MYO5B: variants seen among roughly 807,000 people sequenced by gnomAD.
MYO5B encodes the protein myosin VB.
A neutral mutation model predicts 229.3 loss-of-function variants in MYO5B; 143 were observed. The ratio of observed to expected loss-of-function variants is 0.62; its 90% CI spans 0.54 to 0.72. The LOEUF (loss-of-function observed/expected upper bound fraction) is 0.72. Among genes scored for constraint, MYO5B ranks in the 30% least tolerant of loss-of-function variants. The probability of loss-of-function intolerance (pLI) is 0.00; values close to 1 mark genes in which losing one functional copy is unlikely to be tolerated. For synonymous variants in MYO5B, 918 were observed against 885.2 expected (o/e 1.04, Z -0.66); for missense variants, 2,321 against 2,331.0 (o/e 1.00, Z 0.09).
At chr18:50,098,153 C>A (rs940837817) in intron 1 of MYO5B, among the ~76,000 whole-genome samples, 5 of 152,160 alleles carry the variant, frequency 3.3e-5, no homozygotes, top group Non-Finnish European at 4.4e-5. Flanking sequence ...ATATAACTTG[C>A]TTATATCCAA....
chr18:49,917,307 G>A (rs552912085), intron 17 of MYO5B, among the ~76,000 whole-genome samples: 2 of 152,156 alleles, frequency 1.3e-5, no homozygotes, highest in Non-Finnish European at 2.9e-5. Flanking sequence ...CATTCAACAC[G>A]TTAAACCTTT....
intron 8 of MYO5B, among the ~76,000 whole-genome samples, chr18:49,984,137 G>T (rs1226979548): frequency 6.6e-6 from 1 of 152,190 alleles, no homozygotes; most frequent in African/African-American, 2.4e-5. Context: ...CCCAAAAGTG[G>T]CAGGGAAGCA....
intron 34 of MYO5B, among the ~76,000 whole-genome samples, chr18:49,841,946 A>G (rs1321372894): frequency 6.6e-6 from 1 of 152,178 alleles, no homozygotes; most frequent in Non-Finnish European, 1.5e-5. Context: ...AAATGGCTAC[A>G]AACCCTAACT....
intron 39 of MYO5B, among the ~76,000 whole-genome samples, chr18:49,831,524 A>G (rs1183856278): frequency 6.6e-6 from 1 of 152,228 alleles, no homozygotes; most frequent in Non-Finnish European, 1.5e-5. Context: ...GATGCTAGTC[A>G]TCAGAGAGAT....
intron 29 of MYO5B, among the ~76,000 whole-genome samples, chr18:49,862,001 T>G (rs937705524): frequency 5.0e-4 from 76 of 151,580 alleles, no homozygotes; most frequent in African/African-American, 1.8e-3. Flanking sequence ...CCATGTTTTT[T>G]TTTTTTTTTT....
At chr18:49,850,201 AG>A in intron 31 of MYO5B, 1 of 188,512 alleles carries the variant, frequency 5.3e-6, no homozygotes, top group Non-Finnish European at 1.1e-5. Flanking sequence ...CAAGCCGCTG[AG>A]GGAGGAGTTT....
chr18:50,023,384 A>G (rs1444043904), intron 4 of MYO5B, among the ~76,000 whole-genome samples: 1 of 152,148 alleles, frequency 6.6e-6, no homozygotes, highest in Admixed American at 6.5e-5. Flanking sequence ...CGGCGTGACC[A>G]CAGTTCAGAC....
chr18:49,881,195 T>G (rs750722823), intron 22 of MYO5B, among the ~76,000 whole-genome samples: 2 of 152,244 alleles, frequency 1.3e-5, no homozygotes, highest in Non-Finnish European at 2.9e-5. Flanking sequence ...AGCTTTCATG[T>G]TTTTGTATTT....
At chr18:50,054,722 AG>A (rs1459950228) in intron 2 of MYO5B, among the ~76,000 whole-genome samples, 12 of 152,220 alleles carry the variant, frequency 7.9e-5, no homozygotes, top group African/African-American at 2.9e-4. Context: ...GCTAACACAT[AG>A]GGAGCACTTA....
intron 2 of MYO5B, among the ~76,000 whole-genome samples, chr18:50,045,263 G>T (rs1004360330): frequency 2.0e-5 from 3 of 152,168 alleles, no homozygotes; most frequent in African/African-American, 7.2e-5. Context: ...ATCACTGTGG[G>T]AACATGGCTT....
intron 2 of MYO5B, among the ~76,000 whole-genome samples, chr18:50,052,129 T>C (rs994408896): frequency 6.6e-6 from 1 of 152,166 alleles, no homozygotes; most frequent in African/African-American, 2.4e-5. Context: ...AGTTCGACCA[T>C]TGTGGAAGTC....
chr18:50,184,110 A>G (rs1406539419), intron 1 of MYO5B, among the ~76,000 whole-genome samples: 1 of 152,222 alleles, frequency 6.6e-6, no homozygotes, highest in Non-Finnish European at 1.5e-5. Context: ...GGACTAAGAC[A>G]GTGTACTTTG....
intron 4 of MYO5B, among the ~76,000 whole-genome samples, chr18:50,014,657 G>T (rs1313422299): frequency 6.6e-6 from 1 of 152,164 alleles, no homozygotes; most frequent in Admixed American, 6.5e-5. Flanking sequence ...TACCATTCTG[G>T]CTGGATGAGG....
intron 1 of MYO5B, among the ~76,000 whole-genome samples, chr18:50,179,104 T>C (rs757985796): frequency 6.6e-6 from 1 of 152,168 alleles, no homozygotes; most frequent in Non-Finnish European, 1.5e-5. Flanking sequence ...CCCAGCATTA[T>C]TTTTAGGGGG....
intron 1 of MYO5B, 125 bp from the exon 2 acceptor site, chr18:50,055,503 C>A: frequency 1.3e-6 from 1 of 745,008 alleles, no homozygotes; most frequent in East Asian, 2.6e-5. Context: ...ATCTCCCCAC[C>A]TTCTCATTTC....
intron 4 of MYO5B, among the ~76,000 whole-genome samples, chr18:50,033,787 T>C (rs2026416950): frequency 2.6e-5 from 4 of 152,166 alleles, no homozygotes; most frequent in Admixed American, 2.6e-4. Flanking sequence ...ACTGTGAATC[T>C]GCATTCACCC....
At chr18:50,030,443 G>A (rs1598965433) in intron 4 of MYO5B, among the ~76,000 whole-genome samples, 1 of 152,090 alleles carries the variant, frequency 6.6e-6, no homozygotes, top group Non-Finnish European at 1.5e-5. Flanking sequence ...TACCAAGAGG[G>A]ACACTTTTGG....
chr18:49,826,791 G>A (rs1036030443), intron 39 of MYO5B, among the ~76,000 whole-genome samples, 168 bp from the exon 40 acceptor site: 1 of 152,208 alleles, frequency 6.6e-6, no homozygotes, highest in Non-Finnish European at 1.5e-5. Context: ...GGTATTTAGT[G>A]GGGAGAGAAG....
intron 1 of MYO5B, among the ~76,000 whole-genome samples, chr18:50,124,697 T>A (rs1444270133): frequency 6.6e-6 from 1 of 151,972 alleles, no homozygotes; most frequent in East Asian, 1.9e-4. Context: ...GTGAAATCTT[T>A]CCCCCCTGGT....
Sources: allele counts gnomAD v4.1 joint callset (sites outside exome capture counted in the v4.1 genomes callset), GRCh38; gene constraint gnomAD v4.1.1; transcripts MANE v1.5; gene names NCBI Gene and HGNC (gene_info 2026-07-23, HGNC 2026-07-21).